Variants in PRAMEF11 observed in about 807,000 individuals in gnomAD.
PRAMEF11 encodes PRAME family member 11.
PRAMEF11 carries 17 observed loss-of-function variants against 33.6 expected under a neutral mutation model. The observed-to-expected ratio is 0.51, with a 90% confidence interval of 0.35 to 0.76. The LOEUF is 0.76. Ranked by LOEUF, PRAMEF11 falls within the 30% of genes least tolerant of loss-of-function variation. The probability of loss-of-function intolerance (pLI) is 0.01; values close to 1 mark genes in which losing one functional copy is unlikely to be tolerated. For missense variants in PRAMEF11, 568 were observed against 567.0 expected (o/e 1.00, Z -0.02); for synonymous variants, 205 against 227.3 (o/e 0.90, Z 0.88).
rs185278160 is a variant in PRAMEF11, at chr1:12,824,954, T to C, written c.1425A>G (p.Gln475=). The C allele has an allele frequency of 2.1e-4, 330 of 1,609,340 alleles. 5 individuals carry two copies. The African/African-American group carries it at 3.7e-3, about 18-fold the overall frequency. ...AATAGGCAGGCATTCAACAGCAGTA[T>C]TGATCTGCCTCCAGGTCATAAAATG... ...DRSFYDLEAD[Q]YCC The change falls in exon 4 of 4, where the codon CAA becomes CAG. Residue 475 remains glutamine, a synonymous_variant. Coordinates refer to ENST00000619922, the MANE Select transcript of PRAMEF11 (RefSeq NM_001146344.3).
chr1:12,824,789 C>G lies in PRAMEF11; in HGVS notation c.*153G>C. On this transcript the variant is annotated 3_prime_UTR_variant, in exon 4 of 4. Coordinates refer to ENST00000619922, the MANE Select transcript of PRAMEF11 (RefSeq NM_001146344.3). Reference sequence around the variant, plus strand: ...ATGGCAACATTTCCCCCAAGTCCTGCCCCTGCTTGATCAGCTTTCCTTTCC... The same window carrying G: ...ATGGCAACATTTCCCCCAAGTCCTGGCCCTGCTTGATCAGCTTTCCTTTCC... The G allele has an allele frequency of 5.6e-6, 7 of 1,242,046 alleles. No individual in the cohort carries two copies. Among genetic ancestry groups the G allele is most frequent in the Non-Finnish European group, 6.7e-6 (6 of 892,570 alleles). 76.9% of individuals were successfully genotyped at this position (1,242,046 alleles called of 1,614,324 possible).
rs776213859 is a variant in PRAMEF11, at chr1:12,827,238, C to G, written c.875+11G>C. 8.8e-6 allele frequency: 14 copies of G among 1,590,534 alleles called. 1 individual carries two copies. The East Asian group carries it at 1.1e-4, about 13-fold the overall frequency. ...TGTGGTCTGCAGAGAAAGCTCACCA[C>G]CCTCCCTCACCTGAGCAGCTGGTCC... On this transcript the variant is annotated intron_variant, in intron 3 of 3. Coordinates refer to ENST00000619922, the MANE Select transcript of PRAMEF11 (RefSeq NM_001146344.3).
chr1:12,825,674 G>A (rs1449549622), intron 3 of PRAMEF11, among the ~76,000 whole-genome samples, 171 bp from the exon 4 acceptor site: 23 of 144,400 alleles, frequency 1.6e-4, no homozygotes, highest in African/African-American at 4.8e-4. Context: ...CTTTGCCACC[G>A]AGGTCAATTC....
chr1:12,825,374 C>T lies in PRAMEF11; in HGVS notation c.1005G>A (p.Leu335=). Residue 335 remains leucine, a synonymous_variant, in exon 4 of 4, where the codon CTG becomes CTA. Coordinates refer to ENST00000619922, the MANE Select transcript of PRAMEF11 (RefSeq NM_001146344.3). The part of the protein sequence containing the change: ...LKTLDLSGIR[L]TNYSLVPLQI... ...GGAGAGGCACAAGACTGTAATTGGT[C>T]AGTCTGATGCCACTCAGGTCCAGGG... The T allele has an allele frequency of 1.3e-6, 2 of 1,499,234 alleles. No homozygotes were observed. Among genetic ancestry groups the T allele is most frequent in the Non-Finnish European group, 1.8e-6 (2 of 1,096,136 alleles). The allele number at this position is 1,499,234 out of a possible 1,614,324, so 92.9% of individuals were successfully genotyped here.
Position 12,827,360 on chromosome 1 carries a change from T to C in PRAMEF11, c.764A>G (p.Lys255Arg), listed in dbSNP as rs762605673. The C allele has an allele frequency of 5.0e-6, 8 of 1,601,404 alleles. No homozygotes were observed. The South Asian group carries it at 5.5e-5, about 11-fold the overall frequency. ...GGTGAACTGGGTAACAATCTCCTTC[T>C]TCTGCTCTGGGGAAACGTAGCGAGA... ...DVSRYVSPEQ[K>R]KEIVTQFTTQ... The change falls in exon 3 of 4, where the codon AAG becomes AGG. Residue 255 changes from lysine to arginine, a missense_variant. Lys to Arg is a conservative substitution (Grantham distance 26, BLOSUM62 2). Transcript: ENST00000619922.
chr1:12,829,198 T>A lies in PRAMEF11; in HGVS notation c.-16-393A>T, dbSNP rs546418397. Among the ~76,000 whole-genome samples the A allele has an allele frequency of 3.3e-5, 5 of 151,480 alleles. No individual in the cohort carries two copies. In the East Asian group the frequency reaches 7.9e-4, roughly 24 times the overall value. ...ATTTCAGTTCCTAAAAATAAGCTTG[T>A]TGGGAACATTCATGGGGCATCCCTA... is the stretch of plus-strand genomic sequence containing the variant. On this transcript the variant is annotated intron_variant, in intron 1 of 3. Transcript: ENST00000619922.
intron 3 of PRAMEF11, among the ~76,000 whole-genome samples, chr1:12,826,175 G>A (rs1431598237): frequency 6.6e-6 from 1 of 151,004 alleles, no homozygotes; most frequent in Admixed American, 6.6e-5. Context: ...ACATCAGCTG[G>A]GGTGGGCAGG....
At position 12,827,771 on chromosome 1, in the gene PRAMEF11, C is replaced by G. The variant is rs750490985; in HGVS notation, c.353G>C (p.Trp118Ser). ...QDVCENFWMVWSEAMAHGCFL... is the reference protein window; with the variant it reads ...QDVCENFWMVSSEAMAHGCFL... Reference sequence around the variant, plus strand: ...GCACCCATGGGCCATAGCTTCAGACCAAACCATCCAGAAGTTCTCACAGAC... The same window carrying G: ...GCACCCATGGGCCATAGCTTCAGACGAAACCATCCAGAAGTTCTCACAGAC... Residue 118 changes from tryptophan (W) to serine (S), a missense_variant, in exon 3 of 4, where the codon TGG becomes TCG. Trp to Ser is a radical substitution (Grantham distance 177, BLOSUM62 -3). Transcript: ENST00000619922. 9 of 1,609,100 alleles carry G rather than the reference C, an allele frequency of 5.6e-6. No individual in the cohort carries two copies. Among genetic ancestry groups the G allele is most frequent in the Non-Finnish European group, 7.6e-6 (9 of 1,178,332 alleles).
chr1:12,828,646 C>G lies in PRAMEF11; in HGVS notation c.144G>C (p.Arg48Ser), dbSNP rs541344365. 6.8e-6 allele frequency: 11 copies of G among 1,610,344 alleles called. 1 individual carries two copies. The South Asian group carries it at 1.2e-4, about 18-fold the overall frequency. ...FPPLFMEAFS[R>S]RRCEALKLMV... The stretch of plus-strand genomic sequence containing the variant: ...TCAGCTTCAGGGCCTCACAGCGTCT[C>G]CTGCTGAAGGCCTCCATGAACAGTG... Residue 48 changes from arginine to serine, a missense_variant, in exon 2 of 4, where the codon AGG becomes AGC. By Grantham distance (110) the Arg-to-Ser change is moderately radical. Around this residue, in one of 3 missense-constraint regions of PRAMEF11, gnomAD observed 342 missense variants for 312.0 expected, o/e 1.10. Transcript: ENST00000619922.
Position 12,827,430 on chromosome 1 carries a change from G to C in PRAMEF11, c.694C>G (p.His232Asp). 1.2e-6 allele frequency: 2 copies of C among 1,607,908 alleles called. No individual in the cohort carries two copies. The highest frequency in any genetic ancestry group is 1.7e-6 in the Non-Finnish European group (2 of 1,177,908). The change falls in exon 3 of 4, where the codon CAC becomes GAC. Residue 232 changes from histidine (H) to aspartate (D), a missense_variant. Coordinates refer to ENST00000619922, the MANE Select transcript of PRAMEF11 (RefSeq NM_001146344.3). The part of the protein sequence containing the change: ...ILTQFTPYLG[H>D]LRNLQKLVLS... Reference sequence around the variant, plus strand: ...ACGAGCTTCTGAAGATTCCTCAAGTGGCCCAGGTATGGGGTAAACTGTGTC... The same window carrying C: ...ACGAGCTTCTGAAGATTCCTCAAGTCGCCCAGGTATGGGGTAAACTGTGTC...
In PRAMEF11 at chr1:12,827,239, C is replaced by A. The variant is rs764959526; in HGVS notation, c.875+10G>T. The stretch of plus-strand genomic sequence containing the variant: ...GTGGTCTGCAGAGAAAGCTCACCAC[C>A]CTCCCTCACCTGAGCAGCTGGTCCA... On this transcript the variant is annotated intron_variant, in intron 3 of 3. Coordinates refer to ENST00000619922, the MANE Select transcript of PRAMEF11 (RefSeq NM_001146344.3). 172 of 1,591,144 alleles carry A rather than the reference C, an allele frequency of 1.1e-4. No individual in the cohort carries two copies. In the Admixed American group the frequency reaches 1.2e-3, roughly 11 times the overall value.
Position 12,825,017 on chromosome 1 carries a change from C to T in PRAMEF11, c.1362G>A (p.Leu454=), listed in dbSNP as rs193214100. 3.1e-6 allele frequency: 5 copies of T among 1,609,826 alleles called. No homozygotes were observed. The South Asian group carries it at 5.5e-5, about 18-fold the overall frequency. ...GGTCAGGGCAGTTGTCAGTACAGAACAAGATCCTCTTGGGGTGCCTTAAGT... is the reference window on the plus strand; with the variant it reads ...GGTCAGGGCAGTTGTCAGTACAGAATAAGATCCTCTTGGGGTGCCTTAAGT... ...VRHLRHPKRI[L]FCTDNCPDHG... Residue 454 remains leucine (L), a synonymous_variant, in exon 4 of 4, where the codon TTG becomes TTA. Transcript: ENST00000619922.
chr1:12,828,422 T>G, intron 2 of PRAMEF11, 75 bp downstream of exon 2: 1 of 1,492,672 alleles, frequency 6.7e-7, no homozygotes. Context: ...TTGGGCCTCC[T>G]CACTTCACAT....
Position 12,826,851 on chromosome 1 carries a change from C to G in PRAMEF11, c.875+398G>C, listed in dbSNP as rs1320054983. On this transcript the variant is annotated intron_variant, in intron 3 of 3. Coordinates refer to ENST00000619922, the MANE Select transcript of PRAMEF11 (RefSeq NM_001146344.3). Reference sequence around the variant, plus strand: ...ATGTTACCCAGACTGCTCTTAAACTCCTAGGCTCAAGCTATCCTCTTGCCT... The same window carrying G: ...ATGTTACCCAGACTGCTCTTAAACTGCTAGGCTCAAGCTATCCTCTTGCCT... Among the ~76,000 whole-genome samples, 2 of 151,278 alleles carry G rather than the reference C, an allele frequency of 1.3e-5. 1 individual carries two copies. The highest frequency in any genetic ancestry group is 4.8e-5 in the African/African-American group (2 of 41,278).
intron 2 of PRAMEF11, 89 bp downstream of exon 2, chr1:12,828,408 C>G (rs1397751634): frequency 2.1e-6 from 3 of 1,435,968 alleles, no homozygotes; most frequent in Non-Finnish European, 9.5e-7. Context: ...CACCACCATC[C>G]CCCTTGGGCC....
At chr1:12,829,882 G>C (rs1308032981) in intron 1 of PRAMEF11, among the ~76,000 whole-genome samples, 9 of 151,316 alleles carry the variant, frequency 5.9e-5, no homozygotes, top group Admixed American at 3.3e-4. Flanking sequence ...GAGACAGAGA[G>C]AGCTACATTT....
In PRAMEF11 at chr1:12,828,924, C is replaced by G; in HGVS notation, c.-16-119G>C. 7.0e-6 allele frequency: 10 copies of G among 1,422,106 alleles called. 1 individual carries two copies. Among genetic ancestry groups the G allele is most frequent in the Admixed American group, 1.9e-5 (1 of 53,612 alleles). 88.1% of individuals were successfully genotyped at this position (1,422,106 alleles called of 1,614,324 possible). A position where few individuals can be genotyped will look rare whatever the true frequency, so the allele number is the denominator to read the frequency against. On this transcript the variant is annotated intron_variant, in intron 1 of 3. Transcript: ENST00000619922. ...ATGGTGAAACAGCCCTCAGTTTACT[C>G]CAATTCTACTCTGTACTCAGTGGCC...
At chr1:12,831,295 C>T (rs2100350492) in intron 1 of PRAMEF11, 61 bp downstream of exon 1, 1 of 151,204 alleles carries the variant, frequency 6.6e-6, no homozygotes, top group South Asian at 2.1e-4. Context: ...GCACTGTCAC[C>T]ATCCCAGACT....
Position 12,824,753 on chromosome 1 carries a change from C to G in PRAMEF11, c.*189G>C, listed in dbSNP as rs932841309. On this transcript the variant is annotated 3_prime_UTR_variant, in exon 4 of 4. Transcript: ENST00000619922. ...CTACAGGATACAGGTTCCCAAAGTC[C>G]CATTGAATCCATGGCAACATTTCCC... 5 of 901,420 alleles carry G rather than the reference C, an allele frequency of 5.5e-6. No homozygotes were observed. In the African/African-American group the frequency reaches 7.0e-5, roughly 13 times the overall value. 55.8% of individuals were successfully genotyped at this position (901,420 alleles called of 1,614,324 possible). A position where few individuals can be genotyped will look rare whatever the true frequency, so the allele number is the denominator to read the frequency against.
Sources: allele counts gnomAD v4.1 joint callset (sites outside exome capture counted in the v4.1 genomes callset), GRCh38; gene constraint gnomAD v4.1.1; regional missense constraint gnomAD v4.1.1; transcripts MANE v1.5; gene names NCBI Gene and HGNC (gene_info 2026-07-23, HGNC 2026-07-21).